The following OPA1 variants were observed in gnomAD, a reference collection of about 807,000 sequenced individuals.
OPA1 encodes dynamin-like GTPase OPA1, mitochondrial.
A neutral mutation model predicts 152.9 loss-of-function variants in OPA1; 59 were observed. The observed-to-expected ratio is 0.39, with a 90% CI of 0.31 to 0.48. OPA1 has a LOEUF of 0.48. Ranked by LOEUF, OPA1 falls within the 20% of genes least tolerant of loss-of-function variation. OPA1 has a pLI of 0.96. For synonymous variants in OPA1, 400 were observed against 389.9 expected (o/e 1.03, Z -0.31); for missense variants, 1,008 against 1,216.8 (o/e 0.83, Z 2.55).
At chr3:193,694,392 CAATT>C (rs1722063356) in intron 30 of OPA1, among the ~76,000 whole-genome samples, 1 of 152,090 alleles carries the variant, frequency 6.6e-6, no homozygotes, top group Non-Finnish European at 1.5e-5. Context: ...GATTCTTCTT[CAATT>C]AATTTTAGTA....
At chr3:193,670,556 C>T (rs552280323) in intron 29 of OPA1, among the ~76,000 whole-genome samples, 5 of 151,912 alleles carry the variant, frequency 3.3e-5, no homozygotes, top group South Asian at 2.1e-4. Context: ...TTAGTAGAGA[C>T]GGGGTTTCCC....
intron 26 of OPA1, 114 bp downstream of exon 26, chr3:193,663,076 G>A (rs146018943): frequency 1.8e-5 from 18 of 1,019,134 alleles, no homozygotes; most frequent in East Asian, 2.5e-5. Context: ...CTTTTGTCAC[G>A]TGTACATTTG....
intron 21 of OPA1, among the ~76,000 whole-genome samples, chr3:193,651,503 T>C (rs1405372542): frequency 3.3e-5 from 5 of 152,216 alleles, no homozygotes; most frequent in East Asian, 1.9e-4. Flanking sequence ...GCAAATGATA[T>C]ATTTGACAAA....
chr3:193,668,776 T>A, intron 29 of OPA1: 1 of 1,210,192 alleles, frequency 8.3e-7, no homozygotes, highest in Non-Finnish European at 1.0e-6. Context: ...TAATAATCAC[T>A]TTGTCACTGT....
intron 6 of OPA1, 64 bp downstream of exon 6, chr3:193,619,000 T>C: frequency 1.6e-6 from 2 of 1,255,286 alleles, no homozygotes; most frequent in Non-Finnish European, 2.3e-6. Flanking sequence ...TTTTTACTTC[T>C]TTGGAAGATT....
At chr3:193,663,315 A>G (rs1256737260) in intron 26 of OPA1, among the ~76,000 whole-genome samples, 2 of 152,126 alleles carry the variant, frequency 1.3e-5, no homozygotes, top group African/African-American at 2.4e-5. Flanking sequence ...AATGGCATAT[A>G]TATGTGTTTT....
At position 193,659,384 on chromosome 3, in the gene OPA1, T is replaced by C. The variant is rs34558265; in HGVS notation, c.2441-98T>C. 0.15 allele frequency: 150,612 copies of C among 1,035,706 alleles called. 12,308 individuals are homozygous for C. Among genetic ancestry groups the C allele is most frequent in the Non-Finnish European group, 0.17 (115,632 of 680,540 alleles). The allele number at this position is 1,035,706 out of a possible 1,614,324, so 64.2% of individuals were successfully genotyped here. Reference sequence around the variant, plus strand: ...TATTTCAACTGCCTTCATATTGATATAGCACTTTGAAATAGTTAAGAAAGC... The same window carrying C: ...TATTTCAACTGCCTTCATATTGATACAGCACTTTGAAATAGTTAAGAAAGC... On this transcript the variant is annotated intron_variant, in intron 24 of 30. Coordinates refer to ENST00000361510, the MANE Select transcript of OPA1 (RefSeq NM_130837.3).
Position 193,601,752 on chromosome 3 carries a change from G to A in OPA1, c.32+8343G>A, listed in dbSNP as rs1472284156. On this transcript the variant is annotated intron_variant, in intron 1 of 30. Coordinates refer to ENST00000361510, the MANE Select transcript of OPA1 (RefSeq NM_130837.3). ...TTTGGATTTGTTTTTTATATTTGGT[G>A]TGATCGACTTTATCAGTTGAAAAAG... 3.3e-5 allele frequency among the ~76,000 whole-genome samples: 5 copies of A among 152,300 alleles called. No homozygotes were observed. In the East Asian group the frequency reaches 9.6e-4, roughly 29 times the overall value.
At chr3:193,611,433 C>T in intron 1 of OPA1, among the ~76,000 whole-genome samples, 1 of 151,974 alleles carries the variant, frequency 6.6e-6, no homozygotes, top group Non-Finnish European at 1.5e-5. Context: ...CCCATCTCTA[C>T]TAAAAATACA....
intron 1 of OPA1, among the ~76,000 whole-genome samples, chr3:193,614,362 G>C (rs957655360): frequency 7.9e-5 from 12 of 152,302 alleles, no homozygotes; most frequent in African/African-American, 2.9e-4. Context: ...CCTGAGACCA[G>C]GATCATAGCC....
intron 26 of OPA1, 54 bp downstream of exon 26, chr3:193,663,016 C>T (rs1049224940): frequency 6.5e-5 from 101 of 1,557,378 alleles, no homozygotes; most frequent in Non-Finnish European, 8.5e-5. Context: ...TTGTTTCTTG[C>T]AGTAAATGTT....
At chr3:193,674,412 A>G (rs1274326401) in intron 29 of OPA1, among the ~76,000 whole-genome samples, 1 of 152,206 alleles carries the variant, frequency 6.6e-6, no homozygotes, top group Non-Finnish European at 1.5e-5. Flanking sequence ...AGAGAAAACA[A>G]ATGCATGAGT....
At chr3:193,608,862 G>A (rs7616010) in intron 1 of OPA1, among the ~76,000 whole-genome samples, 75,253 of 151,776 alleles carry the variant, frequency 0.5, 19,037 homozygotes, top group African/African-American at 0.57. Flanking sequence ...GTCACTCAGG[G>A]CTTGCTTTAT....
chr3:193,640,965 T>C (rs1733695180), intron 11 of OPA1, among the ~76,000 whole-genome samples: 1 of 152,200 alleles, frequency 6.6e-6, no homozygotes, highest in Admixed American at 6.5e-5. Flanking sequence ...TCGTGTTATG[T>C]GTTACTAGTT....
intron 25 of OPA1, among the ~76,000 whole-genome samples, chr3:193,662,171 T>G (rs1342307106): frequency 6.6e-6 from 1 of 152,220 alleles, no homozygotes; most frequent in Non-Finnish European, 1.5e-5. Context: ...TATAAGAATC[T>G]TGTTATCAAA....
At chr3:193,631,699 T>C (rs760224460) in intron 8 of OPA1, 34 bp downstream of exon 8, 20 of 1,556,866 alleles carry the variant, frequency 1.3e-5, no homozygotes, top group Middle Eastern at 1.7e-4. Context: ...CTAGGGACTT[T>C]TAAAAATTAT....
intron 1 of OPA1, among the ~76,000 whole-genome samples, chr3:193,612,708 T>C (rs1163211269): frequency 6.6e-6 from 1 of 152,226 alleles, no homozygotes; most frequent in Non-Finnish European, 1.5e-5. Flanking sequence ...TACGTAAAAT[T>C]AGCTGGAGTC....
chr3:193,655,692 C>T (rs1713639809), intron 22 of OPA1, among the ~76,000 whole-genome samples: 1 of 152,058 alleles, frequency 6.6e-6, no homozygotes, highest in East Asian at 1.9e-4. Flanking sequence ...ATGTAAAATA[C>T]TTAGACAATG....
intron 29 of OPA1, among the ~76,000 whole-genome samples, chr3:193,669,672 T>C (rs1717489339): frequency 6.6e-6 from 1 of 152,250 alleles, no homozygotes; most frequent in Non-Finnish European, 1.5e-5. Context: ...CCTCGTGATA[T>C]AATTATCAAG....
Sources: gnomAD v4.1 joint callset for allele counts (sites outside exome capture counted in the v4.1 genomes callset) on GRCh38, gnomAD v4.1.1 for gene constraint, MANE v1.5 for transcripts, NCBI Gene and HGNC (gene_info 2026-07-23, HGNC 2026-07-21) for gene names.